ITFG1: variants seen among roughly 807,000 people sequenced by gnomAD.
ITFG1 encodes integrin alpha FG-GAP repeat containing 1, also known as T-cell immunomodulatory protein.
Under a neutral mutation model 81.8 loss-of-function variants are expected in ITFG1, and 34 were observed. The ratio of observed to expected loss-of-function variants is 0.42; its 90% CI spans 0.32 to 0.55. The LOEUF (loss-of-function observed/expected upper bound fraction) is 0.55. Among genes scored for constraint, ITFG1 ranks in the 20% least tolerant of loss-of-function variants. The probability of loss-of-function intolerance (pLI) is 0.17; values close to 1 mark genes in which losing one functional copy is unlikely to be tolerated. For missense variants in ITFG1, 672 were observed against 755.4 expected (o/e 0.89, Z 1.29); for synonymous variants, 285 against 270.6 (o/e 1.05, Z -0.52).
intron 6 of ITFG1, among the ~76,000 whole-genome samples, chr16:47,391,665 T>C (rs1968533109): frequency 6.6e-6 from 1 of 152,216 alleles, no homozygotes; most frequent in African/African-American, 2.4e-5. Flanking sequence ...ATGTGACCTA[T>C]GTGAAAGGCT....
intron 10 of ITFG1, among the ~76,000 whole-genome samples, chr16:47,303,332 T>C (rs917699721): frequency 6.6e-6 from 1 of 152,168 alleles, no homozygotes; most frequent in Non-Finnish European, 1.5e-5. Context: ...CCGTATAGTA[T>C]ATATTCTTTA....
At chr16:47,237,131 G>A (rs1259033402) in intron 13 of ITFG1, among the ~76,000 whole-genome samples, 1 of 152,194 alleles carries the variant, frequency 6.6e-6, no homozygotes, top group African/African-American at 2.4e-5. Flanking sequence ...CCCCCAGTTT[G>A]AGTCTAGATT....
chr16:47,353,000 A>C (rs892919404), intron 8 of ITFG1, among the ~76,000 whole-genome samples: 3 of 149,520 alleles, frequency 2.0e-5, no homozygotes, highest in African/African-American at 7.3e-5. Context: ...ATAGGTGGGA[A>C]TTGAACAATG....
intron 12 of ITFG1, among the ~76,000 whole-genome samples, chr16:47,256,144 T>A (rs779010641): frequency 4.6e-5 from 7 of 152,112 alleles, no homozygotes; most frequent in Non-Finnish European, 8.8e-5. Flanking sequence ...TCGTATTTTT[T>A]ATAGAGACAG....
chr16:47,240,754 A>C (rs1440895738), intron 12 of ITFG1, among the ~76,000 whole-genome samples: 1 of 152,266 alleles, frequency 6.6e-6, no homozygotes, highest in East Asian at 1.9e-4. Context: ...TACAATATGG[A>C]TGAACCCTGA....
intron 5 of ITFG1, among the ~76,000 whole-genome samples, chr16:47,445,818 G>A (rs1417384794): frequency 6.6e-6 from 1 of 152,178 alleles, no homozygotes; most frequent in African/African-American, 2.4e-5. Context: ...TAGCCATGGA[G>A]AGAGAGGTGG....
intron 8 of ITFG1, among the ~76,000 whole-genome samples, chr16:47,353,340 T>G (rs1967993071): frequency 6.6e-6 from 1 of 152,120 alleles, no homozygotes; most frequent in Non-Finnish European, 1.5e-5. Flanking sequence ...TTTGACAGAA[T>G]TCAGTATCCC....
intron 6 of ITFG1, among the ~76,000 whole-genome samples, chr16:47,409,018 T>C (rs1038226539): frequency 4.6e-5 from 7 of 152,044 alleles, no homozygotes; most frequent in African/African-American, 1.4e-4. Flanking sequence ...AATGCTAATA[T>C]ATACTTGTGA....
intron 14 of ITFG1, among the ~76,000 whole-genome samples, chr16:47,173,735 T>C (rs1048384797): frequency 5.3e-5 from 8 of 152,248 alleles, no homozygotes; most frequent in Non-Finnish European, 1.0e-4. Flanking sequence ...ATGTTATTTA[T>C]GTAATTTTTA....
At chr16:47,372,475 T>C (rs1015657115) in intron 7 of ITFG1, among the ~76,000 whole-genome samples, 3 of 152,032 alleles carry the variant, frequency 2.0e-5, no homozygotes, top group African/African-American at 7.2e-5. Flanking sequence ...TTTTTATTTT[T>C]TGAGATGGAG....
At position 47,363,320 on chromosome 16, in the gene ITFG1, A is replaced by G. The variant is rs1242489188; in HGVS notation, c.802+2468T>C. On this transcript the variant is annotated intron_variant, in intron 8 of 17. Transcript: ENST00000320640. The stretch of plus-strand genomic sequence containing the variant: ...TTCAGAGGTCTAACTTTTACATTTT[A>G]TTTGGTGTTAAAGACCCTGTGAAAC... 3.9e-5 allele frequency among the ~76,000 whole-genome samples: 6 copies of G among 152,180 alleles called. No homozygotes were observed. The East Asian group carries it at 9.7e-4, about 25-fold the overall frequency.
At chr16:47,166,982 C>A (rs1412330371) in intron 14 of ITFG1, among the ~76,000 whole-genome samples, 2 of 152,194 alleles carry the variant, frequency 1.3e-5, no homozygotes, top group Non-Finnish European at 2.9e-5. Context: ...ACATAGCATA[C>A]AATTAACTAC....
At chr16:47,173,252 C>G (rs910959763) in intron 14 of ITFG1, among the ~76,000 whole-genome samples, 1 of 152,172 alleles carries the variant, frequency 6.6e-6, no homozygotes, top group African/African-American at 2.4e-5. Flanking sequence ...TACGTTAACA[C>G]TGCCTAACAC....
chr16:47,161,650 G>A, intron 16 of ITFG1, 100 bp downstream of exon 16: 2 of 721,562 alleles, frequency 2.8e-6, no homozygotes, highest in South Asian at 4.0e-5. Flanking sequence ...GGCACTCATG[G>A]GAACACAGCA....
chr16:47,350,393 T>A (rs904764724), intron 8 of ITFG1, among the ~76,000 whole-genome samples: 3 of 152,008 alleles, frequency 2.0e-5, no homozygotes, highest in African/African-American at 7.3e-5. Flanking sequence ...TCACCACCGA[T>A]CCCACAGAAA....
At chr16:47,370,313 C>T (rs1262633483) in intron 7 of ITFG1, among the ~76,000 whole-genome samples, 1 of 152,142 alleles carries the variant, frequency 6.6e-6, no homozygotes, top group Admixed American at 6.5e-5. Flanking sequence ...GCCTCTTAGA[C>T]AATAAAATGG....
intron 8 of ITFG1, among the ~76,000 whole-genome samples, chr16:47,322,163 A>G (rs965546414): frequency 6.6e-6 from 1 of 152,160 alleles, no homozygotes; most frequent in African/African-American, 2.4e-5. Flanking sequence ...AACTTTAAAA[A>G]TAAGAAATAT....
intron 10 of ITFG1, among the ~76,000 whole-genome samples, chr16:47,286,094 G>C (rs766363633): frequency 6.6e-5 from 10 of 152,142 alleles, no homozygotes; most frequent in Non-Finnish European, 1.3e-4. Context: ...CCCTGGGAAG[G>C]AGATCTGAGA....
At position 47,453,872 on chromosome 16, in the gene ITFG1, T is replaced by C. The variant is rs969515336; in HGVS notation, c.427+141A>G. On this transcript the variant is annotated intron_variant, in intron 3 of 17. Coordinates refer to ENST00000320640, the MANE Select transcript of ITFG1 (RefSeq NM_030790.5). ...CCAGTTCAGGGTTGAAAAAGAAAAA[T>C]CAGGAAATAAACTTTGAAAAAAGGT... is the stretch of plus-strand genomic sequence containing the variant. 4 of 625,304 alleles carry C rather than the reference T, an allele frequency of 6.4e-6. No homozygotes were observed. In the East Asian group the frequency reaches 1.1e-4, roughly 18 times the overall value. 38.7% of individuals were successfully genotyped at this position (625,304 alleles called of 1,614,324 possible).
Sources: allele counts gnomAD v4.1 joint callset (sites outside exome capture counted in the v4.1 genomes callset), GRCh38; gene constraint gnomAD v4.1.1; transcripts MANE v1.5; gene names NCBI Gene and HGNC (gene_info 2026-07-23, HGNC 2026-07-21).